The following PTPN13 variants were observed in gnomAD, a reference collection of about 807,000 sequenced individuals.
PTPN13 encodes protein tyrosine phosphatase non-receptor type 13, also known as tyrosine-protein phosphatase non-receptor type 13.
In PTPN13, 191 loss-of-function variants were observed where a neutral mutation model predicts 284.0. The observed-to-expected ratio is 0.67, with a 90% CI of 0.60 to 0.76. The LOEUF is 0.76. Among genes scored for constraint, PTPN13 ranks in the 30% least tolerant of loss-of-function variants. The pLI, the probability that PTPN13 is intolerant of heterozygous loss-of-function variation, is 0.00. For missense variants in PTPN13, 2,797 were observed against 2,939.9 expected (o/e 0.95, Z 1.12); for synonymous variants, 986 against 1,022.3 (o/e 0.96, Z 0.68).
intron 7 of PTPN13, among the ~76,000 whole-genome samples, chr4:86,714,068 CAAAAA>C (rs33992132): frequency 1.8e-5 from 2 of 108,874 alleles, no homozygotes; most frequent in Non-Finnish European, 2.0e-5. Context: ...TCTTCAGTGT[CAAAAA>C]AAAAAAAAAA....
rs58283835 is a variant in PTPN13 at position 86,689,680 on chromosome 4, A to G, written c.546+490A>G. ...CGGAACACTGCTACCTAGTGTATCC[A>G]GGGAATCCATGCTTGTATCCCTGCC... On this transcript the variant is annotated intron_variant, in intron 5 of 47. Transcript: ENST00000411767. The G allele has an allele frequency of 3.8e-4, 264 of 702,486 alleles. No homozygotes were observed. The African/African-American group carries it at 3.9e-3, about 10-fold the overall frequency. The allele number at this position is 702,486 out of a possible 1,614,324, so 43.5% of individuals were successfully genotyped here.
At chr4:86,749,009 G>A (rs1252766652) in intron 17 of PTPN13, among the ~76,000 whole-genome samples, 10 of 152,054 alleles carry the variant, frequency 6.6e-5, no homozygotes. Context: ...GTTTTTTAAG[G>A]TCTTGTTATA....
At chr4:86,681,068 A>G (rs949028792) in intron 3 of PTPN13, among the ~76,000 whole-genome samples, 3 of 152,188 alleles carry the variant, frequency 2.0e-5, no homozygotes, top group African/African-American at 4.8e-5. Flanking sequence ...AATATGCACA[A>G]TGATAATAGA....
In PTPN13 at chr4:86,785,162, TAAC is replaced by T. The variant is rs1741748598; in HGVS notation, c.6119-67_6119-65del. ...TTGAAAGCACCTAGCAAATTCTGTTTAACACCTTGTCCCTTTCTCGTGTCAATA... is the reference window on the plus strand; with the variant it reads ...TTGAAAGCACCTAGCAAATTCTGTTTACCTTGTCCCTTTCTCGTGTCAATA... On this transcript the variant is annotated intron_variant, in intron 38 of 47. Coordinates refer to ENST00000411767, the MANE Select transcript of PTPN13 (RefSeq NM_080683.3). 2.0e-5 allele frequency: 25 copies of T among 1,241,056 alleles called. 1 individual carries two copies. The South Asian group carries it at 4.2e-4, about 21-fold the overall frequency. 76.9% of individuals were successfully genotyped at this position (1,241,056 alleles called of 1,614,324 possible).
chr4:86,756,578 T>C (rs1157934299), intron 20 of PTPN13, among the ~76,000 whole-genome samples: 1 of 152,124 alleles, frequency 6.6e-6, no homozygotes, highest in African/African-American at 2.4e-5. Context: ...ATATATACTC[T>C]ACAGAGATCT....
chr4:86,638,198 A>G (rs1021152931), intron 2 of PTPN13, among the ~76,000 whole-genome samples: 3 of 152,224 alleles, frequency 2.0e-5, no homozygotes, highest in African/African-American at 7.2e-5. Context: ...CAAATGGAAG[A>G]ATATTCCATG....
chr4:86,811,221 C>G, intron 47 of PTPN13, 113 bp downstream of exon 47: 5 of 1,027,828 alleles, frequency 4.9e-6, no homozygotes. Flanking sequence ...GAGCATAAAA[C>G]CAAACATTTA....
At chr4:86,812,112 C>T (rs893522395) in intron 47 of PTPN13, among the ~76,000 whole-genome samples, 5 of 151,722 alleles carry the variant, frequency 3.3e-5, no homozygotes, top group African/African-American at 1.2e-4. Flanking sequence ...AGATCGAGAC[C>T]ATCCCGGCTA....
intron 40 of PTPN13, among the ~76,000 whole-genome samples, chr4:86,795,042 A>G (rs1480975023): frequency 6.6e-6 from 1 of 152,246 alleles, no homozygotes; most frequent in East Asian, 1.9e-4. Context: ...GCCAAAATTG[A>G]CAAATGGGAT....
At chr4:86,664,739 C>T (rs1726871781) in intron 2 of PTPN13, among the ~76,000 whole-genome samples, 1 of 151,946 alleles carries the variant, frequency 6.6e-6, no homozygotes, top group Non-Finnish European at 1.5e-5. Flanking sequence ...AAGTGAAAGG[C>T]AAATCAAAGA....
Position 86,784,458 on chromosome 4 carries a change from G to T in PTPN13, c.6025-7G>T. On this transcript the variant is annotated splice_region_variant and splice_polypyrimidine_tract_variant and intron_variant, in intron 37 of 47. Coordinates refer to ENST00000411767, the MANE Select transcript of PTPN13 (RefSeq NM_080683.3). ...ATCTGATGATTTGCTTTGGTTTTATGCTTTAGGTTGCTGGGGAAGAAATAA... is the reference window on the plus strand; with the variant it reads ...ATCTGATGATTTGCTTTGGTTTTATTCTTTAGGTTGCTGGGGAAGAAATAA... The T allele has an allele frequency of 1.3e-6, 2 of 1,595,664 alleles. No individual in the cohort carries two copies. The highest frequency in any genetic ancestry group is 4.5e-5 in the East Asian group (2 of 44,454).
intron 24 of PTPN13, 73 bp from the exon 25 acceptor site, chr4:86,764,516 AAAAG>A: frequency 3.4e-6 from 4 of 1,161,430 alleles, no homozygotes; most frequent in Non-Finnish European, 3.5e-6. Context: ...GGTTTAAAAA[AAAAG>A]AAATTAAAAA....
chr4:86,750,611 T>C lies in PTPN13; in HGVS notation c.2792T>C (p.Ile931Thr). 1 of 1,613,954 alleles carries C rather than the reference T, an allele frequency of 6.2e-7. No individual in the cohort carries two copies. Among genetic ancestry groups the C allele is most frequent in the Non-Finnish European group, 8.5e-7 (1 of 1,179,882 alleles). ...AVRPLSVQAEILKRLSCSELS... is the reference protein window; with the variant it reads ...AVRPLSVQAETLKRLSCSELS... Reference sequence around the variant, plus strand: ...CGACCTTTATCAGTTCAAGCTGAGATTCTGAAGAGGCTATCCTGCTCAGAG... The same window carrying C: ...CGACCTTTATCAGTTCAAGCTGAGACTCTGAAGAGGCTATCCTGCTCAGAG... The change falls in exon 18 of 48, where the codon ATT becomes ACT. Residue 931 changes from isoleucine to threonine, a missense_variant. Physicochemically the swap from Ile to Thr is moderately conservative, Grantham distance 89. Coordinates refer to ENST00000411767, the MANE Select transcript of PTPN13 (RefSeq NM_080683.3).
At chr4:86,697,968 C>A (rs1565349667) in intron 6 of PTPN13, among the ~76,000 whole-genome samples, 1 of 151,976 alleles carries the variant, frequency 6.6e-6, no homozygotes, top group Non-Finnish European at 1.5e-5. Flanking sequence ...TGAAATCTTA[C>A]CCAAGGAATA....
chr4:86,767,573 T>C (rs1026267110), intron 27 of PTPN13, among the ~76,000 whole-genome samples: 6 of 152,152 alleles, frequency 3.9e-5, no homozygotes, highest in Admixed American at 3.3e-4. Context: ...ACATGTATTA[T>C]ATTTATAATA....
intron 1 of PTPN13, among the ~76,000 whole-genome samples, chr4:86,627,420 A>G (rs957042081): frequency 6.6e-6 from 1 of 152,062 alleles, no homozygotes; most frequent in African/African-American, 2.4e-5. Flanking sequence ...AGTTGTGGTT[A>G]GTTTCTTCTA....
intron 35 of PTPN13, among the ~76,000 whole-genome samples, chr4:86,777,193 G>C (rs2149293391): frequency 6.6e-6 from 1 of 152,318 alleles, no homozygotes; most frequent in Non-Finnish European, 1.5e-5. Flanking sequence ...CTGAAGGTCT[G>C]AAATACAAAA....
intron 3 of PTPN13, among the ~76,000 whole-genome samples, chr4:86,676,995 C>T (rs1001672559): frequency 6.6e-6 from 1 of 152,076 alleles, no homozygotes; most frequent in Admixed American, 6.5e-5. Flanking sequence ...TGGCCGGGCA[C>T]GGTGGCTCAC....
At chr4:86,773,597 A>C (rs1190836219) in intron 32 of PTPN13, among the ~76,000 whole-genome samples, 1 of 152,076 alleles carries the variant, frequency 6.6e-6, no homozygotes, top group Non-Finnish European at 1.5e-5. Context: ...ATAAATGTTT[A>C]TTGTAGAAAA....
Sources: allele counts gnomAD v4.1 joint callset (sites outside exome capture counted in the v4.1 genomes callset), GRCh38; gene constraint gnomAD v4.1.1; transcripts MANE v1.5; gene names NCBI Gene and HGNC (gene_info 2026-07-23, HGNC 2026-07-21).